Variants in RARB observed in about 807,000 individuals in gnomAD.
RARB encodes the protein retinoic acid receptor beta.
Under a neutral mutation model 51.9 loss-of-function variants are expected in RARB, and 17 were observed. The observed-to-expected ratio is 0.33, with a 90% CI of 0.22 to 0.49. The LOEUF is 0.49. Ranked by LOEUF, RARB falls within the 20% of genes least tolerant of loss-of-function variation. RARB has a pLI of 0.99. For missense variants in RARB, 369 were observed against 550.8 expected (o/e 0.67, Z 3.30); for synonymous variants, 215 against 195.4 (o/e 1.10, Z -0.84).
intron 3 of RARB, among the ~76,000 whole-genome samples, chr3:25,546,882 T>C (rs1038309379): frequency 4.3e-4 from 65 of 152,250 alleles, no homozygotes; most frequent in African/African-American, 1.5e-3. Context: ...TTGCGAATAT[T>C]TCCTCTGTGT....
At chr3:25,235,496 C>A (rs1702281826) in intron 5 of RARB, among the ~76,000 whole-genome samples, 1 of 152,176 alleles carries the variant, frequency 6.6e-6, no homozygotes, top group African/African-American at 2.4e-5. Context: ...AGAGTCTCAG[C>A]AAAGTTGAAA....
At chr3:25,069,048 A>G (rs747351195) in intron 3 of RARB, among the ~76,000 whole-genome samples, 13 of 151,922 alleles carry the variant, frequency 8.6e-5, no homozygotes, top group Non-Finnish European at 1.5e-4. Flanking sequence ...TCATGAAGTC[A>G]AGACCTCCCA....
chr3:25,211,833 C>T (rs1246407405), intron 5 of RARB, among the ~76,000 whole-genome samples: 1 of 152,134 alleles, frequency 6.6e-6, no homozygotes, highest in Non-Finnish European at 1.5e-5. Context: ...TGTCCATGAT[C>T]CATAATTTGC....
intron 2 of RARB, among the ~76,000 whole-genome samples, chr3:24,944,898 T>C (rs1695741248): frequency 2.0e-5 from 3 of 152,146 alleles, no homozygotes; most frequent in South Asian, 4.1e-4. Flanking sequence ...TTTTATGCCA[T>C]TGAAGGTTCA....
intron 4 of RARB, among the ~76,000 whole-genome samples, chr3:25,578,768 T>C (rs1701051996): frequency 6.6e-6 from 1 of 152,212 alleles, no homozygotes; most frequent in Admixed American, 6.5e-5. Flanking sequence ...CTGTGGCACC[T>C]CGTGCAAACT....
At chr3:25,460,410 A>G (rs934575373) in intron 1 of RARB, among the ~76,000 whole-genome samples, 2 of 146,002 alleles carry the variant, frequency 1.4e-5, no homozygotes, top group East Asian at 2.0e-4. Context: ...TCATTTGTCC[A>G]AAGGAAAATT....
At chr3:25,308,509 C>T (rs975615700) in intron 5 of RARB, among the ~76,000 whole-genome samples, 2 of 142,788 alleles carry the variant, frequency 1.4e-5, no homozygotes, top group Non-Finnish European at 3.0e-5. Flanking sequence ...AGTGCAGTGG[C>T]GTGGTCTTGG....
chr3:25,436,323 T>A (rs1443221085), intron 1 of RARB, among the ~76,000 whole-genome samples: 1 of 152,212 alleles, frequency 6.6e-6, no homozygotes, highest in East Asian at 1.9e-4. Flanking sequence ...TTGTTATTAT[T>A]GATTTTAAAT....
chr3:25,166,301 A>G (rs539136102), intron 4 of RARB, among the ~76,000 whole-genome samples: 3 of 152,278 alleles, frequency 2.0e-5, no homozygotes, highest in Admixed American at 1.3e-4. Flanking sequence ...CTTTACATCC[A>G]TGTTTCTTTT....
intron 2 of RARB, among the ~76,000 whole-genome samples, chr3:24,936,926 C>G (rs1030154365): frequency 2.0e-5 from 3 of 152,070 alleles, no homozygotes; most frequent in African/African-American, 7.2e-5. Flanking sequence ...TGCCAAAATT[C>G]CAAAGGAAAA....
At chr3:24,885,442 A>C (rs1293173759) in intron 2 of RARB, among the ~76,000 whole-genome samples, 16 of 152,152 alleles carry the variant, frequency 1.1e-4, no homozygotes, top group Admixed American at 1.0e-3. Flanking sequence ...AAACCTTGAG[A>C]ATCTGTGGTT....
intron 4 of RARB, among the ~76,000 whole-genome samples, chr3:25,160,659 G>C (rs1242823745): frequency 1.3e-5 from 2 of 152,184 alleles, no homozygotes; most frequent in African/African-American, 4.8e-5. Flanking sequence ...TTTTATTGTT[G>C]TGATAACAAA....
intron 1 of RARB, among the ~76,000 whole-genome samples, chr3:25,454,255 C>T (rs145669256): frequency 0.013 from 1,921 of 152,360 alleles, 15 homozygotes; most frequent in South Asian, 0.02. Flanking sequence ...CTTTGAATCT[C>T]TCCCTAATGT....
At chr3:25,015,997 G>A (rs547963550) in intron 2 of RARB, among the ~76,000 whole-genome samples, 3 of 152,296 alleles carry the variant, frequency 2.0e-5, no homozygotes, top group Admixed American at 6.5e-5. Context: ...AACTTGGAAT[G>A]TATTAATTTC....
At chr3:25,195,842 A>C in intron 5 of RARB, among the ~76,000 whole-genome samples, 1 of 152,176 alleles carries the variant, frequency 6.6e-6, no homozygotes, top group South Asian at 2.1e-4. Flanking sequence ...AACATCTTCT[A>C]TAAAATAAAG....
intron 3 of RARB, among the ~76,000 whole-genome samples, chr3:25,097,899 G>T (rs1319079684): frequency 4.9e-4 from 74 of 152,132 alleles, no homozygotes. Context: ...CTGCATGTCA[G>T]TATTGTATTG....
At chr3:25,447,714 G>A (rs913052175) in intron 1 of RARB, among the ~76,000 whole-genome samples, 9 of 152,276 alleles carry the variant, frequency 5.9e-5, no homozygotes, top group East Asian at 1.9e-4. Flanking sequence ...GAAATCCTAC[G>A]AGGAATGAGA....
upstream of RARB, among the ~76,000 whole-genome samples, chr3:25,423,789 CA>C (rs749032866): frequency 6.6e-6 from 1 of 152,014 alleles, no homozygotes; most frequent in Non-Finnish European, 1.5e-5. Flanking sequence ...ATGAAATAGC[CA>C]AAGATAGGTC....
chr3:25,191,118 T>C, intron 5 of RARB, among the ~76,000 whole-genome samples: 1 of 152,104 alleles, frequency 6.6e-6, no homozygotes, highest in East Asian at 1.9e-4. Flanking sequence ...CTTCCATGTT[T>C]CTTTCATGTA....
Sources: gnomAD v4.1 joint callset for allele counts (sites outside exome capture counted in the v4.1 genomes callset) on GRCh38, gnomAD v4.1.1 for gene constraint, MANE v1.5 for transcripts, NCBI Gene and HGNC (gene_info 2026-07-23, HGNC 2026-07-21) for gene names.